NDC1: variants seen among roughly 807,000 people sequenced by gnomAD.
NDC1 encodes NDC1 transmembrane nucleoporin.
Under a neutral mutation model 89.8 loss-of-function variants are expected in NDC1, and 24 were observed. That is an observed-to-expected ratio of 0.27 (90% CI 0.19 to 0.38). The LOEUF (loss-of-function observed/expected upper bound fraction) is 0.38, where lower values mean the gene tolerates loss of function less well. NDC1 is among the 10% of genes least tolerant of loss of function. The pLI is 1.00. For missense variants in NDC1, 728 were observed against 797.6 expected (o/e 0.91, Z 1.05); for synonymous variants, 296 against 284.8 (o/e 1.04, Z -0.39).
intron 6 of NDC1, among the ~76,000 whole-genome samples, chr1:53,810,150 G>A (rs1441669295): frequency 6.6e-6 from 1 of 152,138 alleles, no homozygotes; most frequent in East Asian, 1.9e-4. Context: ...TTGCTGATTG[G>A]TCACTTGGAT....
chr1:53,779,119 C>CAAAAA (rs11412563), intron 16 of NDC1, among the ~76,000 whole-genome samples: 3 of 55,524 alleles, frequency 5.4e-5, no homozygotes, highest in Admixed American at 4.0e-4. Context: ...GACTCTGTCG[C>CAAAAA]AAAAAAAAAA....
In NDC1 at chr1:53,828,144, C is replaced by G; in HGVS notation, c.310G>C (p.Ala104Pro). 1 of 1,614,014 alleles carries G rather than the reference C, an allele frequency of 6.2e-7. No homozygotes were observed. Among genetic ancestry groups the G allele is most frequent in the Non-Finnish European group, 8.5e-7 (1 of 1,179,980 alleles). Reference sequence around the variant, plus strand: ...GGATGAATGATCTTCCCTATCAGAGCTAGTCTGGAGCAAGGAATAGAAGGC... The same window carrying G: ...GGATGAATGATCTTCCCTATCAGAGGTAGTCTGGAGCAAGGAATAGAAGGC... Reference protein sequence around the residue: ...VVPSIPCSRLALIGKIIHPQQ... With the variant: ...VVPSIPCSRLPLIGKIIHPQQ... The change falls in exon 4 of 18, where the codon GCT becomes CCT. Residue 104 changes from alanine (A) to proline (P), a missense_variant. Ala to Pro is a conservative substitution (Grantham distance 27). Transcript: ENST00000371429.
intron 14 of NDC1, among the ~76,000 whole-genome samples, chr1:53,793,008 C>T (rs932399803): frequency 1.1e-4 from 16 of 152,164 alleles, no homozygotes; most frequent in African/African-American, 3.9e-4. Flanking sequence ...CCAAGAGATA[C>T]GAGAGGCAAC....
chr1:53,835,783 TAGTATC>T, intron 1 of NDC1, among the ~76,000 whole-genome samples, 163 bp from the exon 2 acceptor site: 1 of 152,340 alleles, frequency 6.6e-6, no homozygotes, highest in African/African-American at 2.4e-5. Flanking sequence ...AAAGAATTTA[TAGTATC>T]AGTGAGCTGA....
chr1:53,782,626 T>C (rs531277175), intron 16 of NDC1, among the ~76,000 whole-genome samples: 3 of 152,304 alleles, frequency 2.0e-5, no homozygotes, highest in South Asian at 2.1e-4. Context: ...GGCTCTTACA[T>C]TGGGTCCATA....
At chr1:53,827,418 G>T (rs1557589720) in intron 4 of NDC1, among the ~76,000 whole-genome samples, 1 of 152,122 alleles carries the variant, frequency 6.6e-6, no homozygotes, top group Non-Finnish European at 1.5e-5. Flanking sequence ...TGGGACTACA[G>T]GCACATGCCA....
intron 17 of NDC1, among the ~76,000 whole-genome samples, chr1:53,770,625 T>C (rs887518049): frequency 6.6e-6 from 1 of 150,804 alleles, no homozygotes; most frequent in Non-Finnish European, 1.5e-5. Flanking sequence ...TAATCCATTC[T>C]CATAATTTTT....
Position 53,767,627 on chromosome 1 carries a change from TC to T in NDC1, c.*342del. 1 of 170,846 alleles carries T rather than the reference TC, an allele frequency of 5.9e-6. No individual in the cohort carries two copies. The highest frequency in any genetic ancestry group is 1.2e-5 in the Non-Finnish European group (1 of 80,700). 10.6% of individuals were successfully genotyped at this position (170,846 alleles called of 1,614,324 possible). A position where few individuals can be genotyped will look rare whatever the true frequency, so the allele number is the denominator to read the frequency against. On this transcript the variant is annotated 3_prime_UTR_variant, in exon 18 of 18. Transcript: ENST00000371429. ...ACCTATACTCATTTCAGAACTGGCT[TC>T]CCTCCTTTCAAAAGTAAATTCTAAA...
At chr1:53,782,536 A>C (rs1167970155) in intron 16 of NDC1, among the ~76,000 whole-genome samples, 3 of 152,210 alleles carry the variant, frequency 2.0e-5, no homozygotes, top group Non-Finnish European at 4.4e-5. Context: ...AACATGGGGA[A>C]AAGGAACTGG....
intron 1 of NDC1, among the ~76,000 whole-genome samples, chr1:53,837,914 G>A (rs1382483775): frequency 6.6e-6 from 1 of 152,134 alleles, no homozygotes; most frequent in Non-Finnish European, 1.5e-5. Flanking sequence ...TACTGGATAC[G>A]GTACCCTTGC....
At chr1:53,810,925 C>A (rs183319266) in intron 6 of NDC1, among the ~76,000 whole-genome samples, 1 of 152,138 alleles carries the variant, frequency 6.6e-6, no homozygotes, top group Admixed American at 6.5e-5. Context: ...CCTGAGGACC[C>A]GGGAGACACC....
intron 16 of NDC1, among the ~76,000 whole-genome samples, chr1:53,782,264 C>T (rs747388817): frequency 4.8e-4 from 73 of 152,072 alleles, no homozygotes; most frequent in Non-Finnish European, 7.6e-4. Flanking sequence ...GGAATCAGAG[C>T]ACGAAGTAAC....
At position 53,772,335 on chromosome 1, in the gene NDC1, T is replaced by C. The variant is rs1215071422; in HGVS notation, c.1955A>G (p.His652Arg). ...IYRITTTFGE[H>R]LNAVQASAEH... ...TCAAAACAGGTAAACTTACTTCAGA[T>C]GTTCACCAAATGTAGTAGTTATTCG... Residue 652 changes from histidine (H) to arginine (R), a missense_variant, in exon 17 of 18, where the codon CAT becomes CGT. By Grantham distance (29) the His-to-Arg change is conservative (BLOSUM62 0). Transcript: ENST00000371429. The C allele has an allele frequency of 1.9e-6, 3 of 1,613,364 alleles. No homozygotes were observed. The highest frequency in any genetic ancestry group is 2.5e-6 in the Non-Finnish European group (3 of 1,179,494).
chr1:53,792,707 A>G (rs1647560675), intron 14 of NDC1, among the ~76,000 whole-genome samples: 1 of 152,214 alleles, frequency 6.6e-6, no homozygotes, highest in Admixed American at 6.5e-5. Context: ...CAAAAACAGG[A>G]ATCAATCTTT....
At chr1:53,774,880 C>T (rs1647149038) in intron 16 of NDC1, among the ~76,000 whole-genome samples, 1 of 152,042 alleles carries the variant, frequency 6.6e-6, no homozygotes, top group African/African-American at 2.4e-5. Flanking sequence ...AACAGCGCAA[C>T]AACCTGTCTC....
intron 11 of NDC1, among the ~76,000 whole-genome samples, chr1:53,797,967 A>C (rs1043603101): frequency 6.6e-6 from 1 of 151,996 alleles, no homozygotes; most frequent in African/African-American, 2.4e-5. Context: ...ACCAAAGGCT[A>C]ATTTGCCCAG....
chr1:53,806,211 T>A (rs1309821072), intron 9 of NDC1, among the ~76,000 whole-genome samples: 1 of 152,248 alleles, frequency 6.6e-6, no homozygotes, highest in Non-Finnish European at 1.5e-5. Flanking sequence ...TTAACTAGCT[T>A]ATACACATAC....
intron 11 of NDC1, among the ~76,000 whole-genome samples, chr1:53,799,049 C>T (rs752732517): frequency 6.6e-5 from 10 of 152,142 alleles, no homozygotes; most frequent in Non-Finnish European, 1.3e-4. Flanking sequence ...ATCTACCCAA[C>T]CCAGAATTAC....
chr1:53,802,057 G>C (rs1169125706), intron 10 of NDC1, among the ~76,000 whole-genome samples: 1 of 152,090 alleles, frequency 6.6e-6, no homozygotes, highest in Non-Finnish European at 1.5e-5. Flanking sequence ...TTTTTTTTAT[G>C]TGCTAGAATG....
Sources: allele counts gnomAD v4.1 joint callset (sites outside exome capture counted in the v4.1 genomes callset), GRCh38; gene constraint gnomAD v4.1.1; transcripts MANE v1.5; gene names NCBI Gene and HGNC (gene_info 2026-07-23, HGNC 2026-07-21).